UBE4B: variants seen among roughly 807,000 people sequenced by gnomAD.
The protein encoded by UBE4B is ubiquitination factor E4B.
UBE4B carries 27 observed loss-of-function variants against 148.1 expected under a neutral mutation model. The ratio of observed to expected loss-of-function variants is 0.18; its 90% CI spans 0.13 to 0.25. UBE4B has a LOEUF of 0.25. Among genes scored for constraint, UBE4B ranks in the 10% least tolerant of loss-of-function variants. The pLI is 1.00. For missense variants in UBE4B, 1,170 were observed against 1,662.4 expected (o/e 0.70, Z 5.15); for synonymous variants, 596 against 619.3 (o/e 0.96, Z 0.56).
chr1:10,066,285 A>T (rs1644387002), intron 1 of UBE4B, among the ~76,000 whole-genome samples: 1 of 149,510 alleles, frequency 6.7e-6, no homozygotes, highest in Non-Finnish European at 1.5e-5. Flanking sequence ...ATGCCCAGCT[A>T]ATTTTTTATT....
intron 25 of UBE4B, among the ~76,000 whole-genome samples, chr1:10,175,512 G>T (rs547386438): frequency 4.3e-4 from 65 of 151,116 alleles, no homozygotes; most frequent in Middle Eastern, 3.4e-3. Context: ...TTAGCCAGGC[G>T]TGGTGGCGGG....
intron 17 of UBE4B, among the ~76,000 whole-genome samples, chr1:10,139,161 C>G (rs960927528): frequency 3.3e-5 from 5 of 152,118 alleles, no homozygotes; most frequent in Non-Finnish European, 7.4e-5. Flanking sequence ...TTTGGGAGGC[C>G]GAGGCAGACG....
In UBE4B at chr1:10,118,841, G is replaced by A. The variant is rs1645360032; in HGVS notation, c.1339-672G>A. Among the ~76,000 whole-genome samples, 9 of 143,626 alleles carry A rather than the reference G, an allele frequency of 6.3e-5. No homozygotes were observed. In the South Asian group the frequency reaches 2.0e-3, roughly 32 times the overall value. The allele number at this position is 143,626 out of a possible 152,430, so 94.2% of individuals were successfully genotyped here. The stretch of plus-strand genomic sequence containing the variant: ...TTTTATGTTTTTTTTAGTGGAGATG[G>A]GGTTTCACCATGTTGGCCAGGCTGG... On this transcript the variant is annotated intron_variant, in intron 8 of 27. Transcript: ENST00000343090.
intron 23 of UBE4B, among the ~76,000 whole-genome samples, chr1:10,164,268 G>A (rs989836209): frequency 1.8e-4 from 28 of 152,132 alleles, no homozygotes; most frequent in Admixed American, 1.2e-3. Flanking sequence ...TTGAACCCAG[G>A]AGGCAGAGGT....
chr1:10,125,301 C>T (rs1419514371), intron 10 of UBE4B, among the ~76,000 whole-genome samples: 1 of 152,168 alleles, frequency 6.6e-6, no homozygotes, highest in Non-Finnish European at 1.5e-5. Context: ...ATTCTGGAAC[C>T]TCTGTTTGTC....
chr1:10,111,777 C>G (rs1432369707), intron 7 of UBE4B, among the ~76,000 whole-genome samples: 1 of 151,928 alleles, frequency 6.6e-6, no homozygotes, highest in Non-Finnish European at 1.5e-5. Flanking sequence ...GCCAACATGG[C>G]GAAACCTCTT....
chr1:10,162,870 T>G (rs1211286705), intron 23 of UBE4B, among the ~76,000 whole-genome samples: 2 of 152,038 alleles, frequency 1.3e-5, no homozygotes, highest in Non-Finnish European at 2.9e-5. Context: ...ATACCTGCTT[T>G]TCTTCTTATG....
intron 1 of UBE4B, 86 bp downstream of exon 1, chr1:10,033,780 G>T: frequency 7.4e-7 from 1 of 1,343,962 alleles, no homozygotes; most frequent in South Asian, 1.8e-5. Flanking sequence ...AGTGCTGTCT[G>T]GCCTTTGGGC....
At position 10,072,506 on chromosome 1, in the gene UBE4B, T is replaced by C. The variant is rs751117714; in HGVS notation, c.211+292T>C. ...TGATTAAGACTGAATTTGGTTCTGC[T>C]GATTTTATGAATTTGGTTGATGGTT... On this transcript the variant is annotated intron_variant, in intron 2 of 27. Coordinates refer to ENST00000343090, the MANE Select transcript of UBE4B (RefSeq NM_001105562.3). The C allele has an allele frequency of 1.0e-4, 75 of 714,502 alleles. No homozygotes were observed. In the African/African-American group the frequency reaches 1.3e-3, roughly 12 times the overall value. The allele number at this position is 714,502 out of a possible 1,614,324, so 44.3% of individuals were successfully genotyped here. A position where few individuals can be genotyped will look rare whatever the true frequency, so the allele number is the denominator to read the frequency against.
chr1:10,079,815 T>C (rs1644647184), intron 2 of UBE4B, among the ~76,000 whole-genome samples: 1 of 152,234 alleles, frequency 6.6e-6, no homozygotes, highest in African/African-American at 2.4e-5. Flanking sequence ...ACTTAATGAT[T>C]ATTTAACTTA....
intron 17 of UBE4B, among the ~76,000 whole-genome samples, chr1:10,144,180 G>A (rs1645829219): frequency 6.6e-6 from 1 of 152,210 alleles, no homozygotes; most frequent in Non-Finnish European, 1.5e-5. Context: ...GAGTGAAGGA[G>A]CAAAGCCAGA....
At chr1:10,166,964 CACACACA>C (rs994799399) in intron 23 of UBE4B, among the ~76,000 whole-genome samples, 7 of 139,776 alleles carry the variant, frequency 5.0e-5, no homozygotes, top group African/African-American at 2.1e-4. Flanking sequence ...CACACACACA[CACACACA>C]AAAAAAAAAA....
intron 2 of UBE4B, among the ~76,000 whole-genome samples, chr1:10,085,176 A>G (rs1176481623): frequency 6.6e-6 from 1 of 152,232 alleles, no homozygotes; most frequent in Non-Finnish European, 1.5e-5. Flanking sequence ...GACATTGGTC[A>G]GGTTTGGCAG....
rs1316471335 is a variant in UBE4B, at chr1:10,161,562, A to G, written c.3198+276A>G. On this transcript the variant is annotated intron_variant, in intron 23 of 27. Coordinates refer to ENST00000343090, the MANE Select transcript of UBE4B (RefSeq NM_001105562.3). The surrounding 1 kb of genome is among the most constrained non-coding windows in gnomAD (Gnocchi z 4.1). ...AGGGCTTTTTTGGAGATGAGCTTTTATTGTCTGAATATATTAATATTCATG... is the reference window on the plus strand; with the variant it reads ...AGGGCTTTTTTGGAGATGAGCTTTTGTTGTCTGAATATATTAATATTCATG... 6.6e-6 allele frequency among the ~76,000 whole-genome samples: 1 copy of G among 152,162 alleles called. No homozygotes were observed. Among genetic ancestry groups the G allele is most frequent in the Non-Finnish European group, 1.5e-5 (1 of 68,022 alleles).
chr1:10,143,327 G>A (rs201194300), intron 17 of UBE4B, among the ~76,000 whole-genome samples: 81 of 152,114 alleles, frequency 5.3e-4, no homozygotes, highest in East Asian at 3.9e-3. Context: ...GCTTCAACCC[G>A]GGAGTCAGAG....
chr1:10,118,331 A>G (rs555670368), intron 8 of UBE4B, among the ~76,000 whole-genome samples: 1 of 151,860 alleles, frequency 6.6e-6, no homozygotes, highest in African/African-American at 2.4e-5. Context: ...CATGTCTCCA[A>G]GGTTTTTTGT....
intron 25 of UBE4B, among the ~76,000 whole-genome samples, chr1:10,174,092 A>G (rs572555917): frequency 1.3e-5 from 2 of 152,296 alleles, no homozygotes; most frequent in Admixed American, 6.5e-5. Context: ...TGGAGAGAAA[A>G]GCATATTTTA....
chr1:10,145,195 C>A, intron 18 of UBE4B, 156 bp downstream of exon 18: 1 of 543,772 alleles, frequency 1.8e-6, no homozygotes, highest in Non-Finnish European at 3.3e-6. Context: ...CTTGTTGATA[C>A]CTTACTTATA....
At position 10,122,030 on chromosome 1, in the gene UBE4B, A is replaced by T. The variant is rs1184000477; in HGVS notation, c.1508A>T (p.Gln503Leu). 1 of 1,613,818 alleles carries T rather than the reference A, an allele frequency of 6.2e-7. No homozygotes were observed. Among genetic ancestry groups the T allele is most frequent in the Admixed American group, 1.7e-5 (1 of 59,980 alleles). ...LCRNLPYGFI[Q>L]ELVRTTHQDE... ...AGGAATCTCCCATATGGCTTCATTC[A>T]GGAACTGGTGAGAACCACTCACCAG... The change falls in exon 10 of 28, where the codon CAG becomes CTG. Residue 503 changes from glutamine to leucine, a missense_variant. Gln to Leu is a moderately radical substitution (Grantham distance 113). Coordinates refer to ENST00000343090, the MANE Select transcript of UBE4B (RefSeq NM_001105562.3).
Sources: allele counts gnomAD v4.1 joint callset (sites outside exome capture counted in the v4.1 genomes callset), GRCh38; gene constraint gnomAD v4.1.1; non-coding constraint Gnocchi (gnomAD v3.1); transcripts MANE v1.5; gene names NCBI Gene and HGNC (gene_info 2026-07-23, HGNC 2026-07-21).